LCOR: variants seen among roughly 807,000 people sequenced by gnomAD.
LCOR encodes the protein ligand-dependent corepressor.
In LCOR, 14 loss-of-function variants were observed where a neutral mutation model predicts 64.4. That is an observed-to-expected ratio of 0.22 (90% CI 0.14 to 0.34). The LOEUF (loss-of-function observed/expected upper bound fraction) is 0.34. Among genes scored for constraint, LCOR ranks in the 10% least tolerant of loss-of-function variants. The probability of loss-of-function intolerance (pLI) is 1.00; values close to 1 mark genes in which losing one functional copy is unlikely to be tolerated. For missense variants in LCOR, 1,686 were observed against 1,765.3 expected (o/e 0.96, Z 0.80); for synonymous variants, 643 against 642.5 (o/e 1.00, Z -0.01).
chr10:96,832,653 G>C (rs1470525934), intron 1 of LCOR, among the ~76,000 whole-genome samples: 1 of 149,562 alleles, frequency 6.7e-6, no homozygotes, highest in Non-Finnish European at 1.5e-5. Context: ...GCGGGAGCGC[G>C]GGTTCCTCCC....
At chr10:96,965,523 G>C (rs1202964589) in intron 7 of LCOR, among the ~76,000 whole-genome samples, 2 of 150,672 alleles carry the variant, frequency 1.3e-5, no homozygotes, top group African/African-American at 4.9e-5. Flanking sequence ...TTAGCCGGGC[G>C]TGGTGGCGGG....
At chr10:96,939,322 C>A (rs963140782) in intron 4 of LCOR, among the ~76,000 whole-genome samples, 3 of 152,116 alleles carry the variant, frequency 2.0e-5, no homozygotes, top group Non-Finnish European at 4.4e-5. Flanking sequence ...TGAGGTTGGA[C>A]CCCTTCCTTA....
intron 5 of LCOR, among the ~76,000 whole-genome samples, chr10:96,946,189 C>G (rs1281741768): frequency 6.6e-6 from 1 of 152,002 alleles, no homozygotes; most frequent in Non-Finnish European, 1.5e-5. Context: ...GCCATTAGTA[C>G]TCTTTAAATT....
At chr10:96,856,398 T>C (rs1041781541) in intron 2 of LCOR, among the ~76,000 whole-genome samples, 2 of 151,770 alleles carry the variant, frequency 1.3e-5, no homozygotes, top group Non-Finnish European at 2.9e-5. Context: ...TCCCTTCTTT[T>C]CTTTCCCTTC....
intron 5 of LCOR, among the ~76,000 whole-genome samples, chr10:96,948,325 A>G (rs1477367572): frequency 2.0e-5 from 3 of 152,184 alleles, no homozygotes; most frequent in Non-Finnish European, 4.4e-5. Context: ...CCTAGCCCAG[A>G]GGTTCTACAG....
intron 7 of LCOR, chr10:96,956,431 AAAACT>A (rs1337471959): frequency 4.1e-6 from 4 of 985,244 alleles, no homozygotes. Flanking sequence ...AACTAAAGAA[AAAACT>A]AAGAAGAACA....
rs1242426932 is a variant in LCOR at position 96,985,976 on chromosome 10, G to A, written c.*842G>A. On this transcript the variant is annotated 3_prime_UTR_variant, in exon 8 of 8. Coordinates refer to ENST00000421806, the MANE Select transcript of LCOR (RefSeq NM_001346516.2). Reference sequence around the variant, plus strand: ...CCTACTTCGGGAGGAAAAAGCCTAGGATTTTTTTTTTCCATCTTGTAGCTG... The same window carrying A: ...CCTACTTCGGGAGGAAAAAGCCTAGAATTTTTTTTTTCCATCTTGTAGCTG... 1 of 166,884 alleles carries A rather than the reference G, an allele frequency of 6.0e-6. No homozygotes were observed. The highest frequency in any genetic ancestry group is 6.5e-5 in the Admixed American group (1 of 15,272). The allele number at this position is 166,884 out of a possible 1,614,324, so 10.3% of individuals were successfully genotyped here. A position where few individuals can be genotyped will look rare whatever the true frequency, so the allele number is the denominator to read the frequency against.
At chr10:96,917,955 A>G (rs1216665351) in intron 4 of LCOR, among the ~76,000 whole-genome samples, 1 of 152,180 alleles carries the variant, frequency 6.6e-6, no homozygotes, top group Non-Finnish European at 1.5e-5. Context: ...AGATAGCTCA[A>G]AGCATTTTGA....
At position 96,954,599 on chromosome 10, in the gene LCOR, C is replaced by A. The variant is rs1042835995; in HGVS notation, c.332+2403C>A. On this transcript the variant is annotated intron_variant, in intron 7 of 7. Coordinates refer to ENST00000421806, the MANE Select transcript of LCOR (RefSeq NM_001346516.2). ...ATTGGCAACACAATTCTGTGTAGAT[C>A]TATGGAGACTGATGATTACTTTGTA... Among the ~76,000 whole-genome samples, 4 of 152,220 alleles carry A rather than the reference C, an allele frequency of 2.6e-5. No individual in the cohort carries two copies. In the South Asian group the frequency reaches 8.3e-4, roughly 32 times the overall value.
At chr10:96,913,247 T>C (rs1401451449) in intron 4 of LCOR, among the ~76,000 whole-genome samples, 1 of 152,184 alleles carries the variant, frequency 6.6e-6, no homozygotes, top group Non-Finnish European at 1.5e-5. Flanking sequence ...GAAACATGTA[T>C]GTTTACTAAA....
At chr10:96,933,450 CAAAA>C (rs1847297207) in intron 4 of LCOR, among the ~76,000 whole-genome samples, 1 of 152,086 alleles carries the variant, frequency 6.6e-6, no homozygotes, top group Non-Finnish European at 1.5e-5. Flanking sequence ...GAATAAAAGA[CAAAA>C]GAACACAAGT....
At chr10:96,895,048 T>G (rs1213237175) in intron 2 of LCOR, among the ~76,000 whole-genome samples, 1 of 152,210 alleles carries the variant, frequency 6.6e-6, no homozygotes, top group Non-Finnish European at 1.5e-5. Context: ...TTTCCTTAAC[T>G]TAATATGATC....
chr10:96,836,876 G>C (rs1026882016), intron 2 of LCOR, among the ~76,000 whole-genome samples: 2 of 152,234 alleles, frequency 1.3e-5, no homozygotes, highest in African/African-American at 4.8e-5. Flanking sequence ...TTAGAAAGTG[G>C]AGACTTTTTG....
chr10:96,982,193 G>A lies in LCOR; in HGVS notation c.1733G>A (p.Gly578Glu), dbSNP rs1848094922. 6.2e-7 allele frequency: 1 copy of A among 1,614,198 alleles called. No homozygotes were observed. Among genetic ancestry groups the A allele is most frequent in the South Asian group, 1.1e-5 (1 of 91,084 alleles). The change falls in exon 8 of 8, where the codon GGA becomes GAA. Residue 578 changes from glycine (G) to glutamate (E), a missense_variant. Gly to Glu is a moderately conservative substitution (Grantham distance 98, BLOSUM62 -2). Coordinates refer to ENST00000421806, the MANE Select transcript of LCOR (RefSeq NM_001346516.2). ...AAGGAAATCACCTCTCACGAGGAAG[G>A]AGGTGGAGACGTTTCACCTCGAAAA... is the stretch of plus-strand genomic sequence containing the variant. ...PSKEITSHEE[G>E]GGDVSPRKEP...
intron 7 of LCOR, chr10:96,957,422 G>A (rs139726187): frequency 4.4e-5 from 43 of 985,148 alleles, no homozygotes; most frequent in Middle Eastern, 1.0e-3. Flanking sequence ...AATAAGCAAA[G>A]CCCATGGAAT....
chr10:96,873,615 TG>T (rs1846114186), intron 2 of LCOR, among the ~76,000 whole-genome samples: 7 of 144,034 alleles, frequency 4.9e-5, no homozygotes, highest in Non-Finnish European at 9.1e-5. Context: ...TGTGTGTGTG[TG>T]TTTTGAGACA....
chr10:96,923,926 G>A (rs114790593), intron 4 of LCOR, among the ~76,000 whole-genome samples: 8,286 of 152,212 alleles, frequency 0.054, 760 homozygotes, highest in African/African-American at 0.19. Context: ...TATCTGGCCT[G>A]TAAAACCTAA....
intron 4 of LCOR, among the ~76,000 whole-genome samples, chr10:96,914,154 A>G (rs188182855): frequency 2.4e-3 from 358 of 152,304 alleles, no homozygotes; most frequent in Non-Finnish European, 3.9e-3. Context: ...ATTCGTGAAT[A>G]TGCATTGTTT....
chr10:96,920,403 T>C (rs1337967878), intron 4 of LCOR, among the ~76,000 whole-genome samples: 4 of 146,714 alleles, frequency 2.7e-5, no homozygotes, highest in African/African-American at 1.0e-4. Context: ...TGTATATATG[T>C]GTATATATGT....
Sources: allele counts gnomAD v4.1 joint callset (sites outside exome capture counted in the v4.1 genomes callset), GRCh38; gene constraint gnomAD v4.1.1; transcripts MANE v1.5; gene names NCBI Gene and HGNC (gene_info 2026-07-23, HGNC 2026-07-21).